Variants in STAP2 observed in about 807,000 individuals in gnomAD.
The protein encoded by STAP2 is signal-transducing adaptor protein 2.
Under a neutral mutation model 52.7 loss-of-function variants are expected in STAP2, and 58 were observed. The observed-to-expected ratio is 1.10, with a 90% CI of 0.89 to 1.37. The LOEUF is 1.37. STAP2 is among the 40% of genes most tolerant of loss of function. The probability of loss-of-function intolerance (pLI) is 0.00; values close to 1 mark genes in which losing one functional copy is unlikely to be tolerated. For missense variants in STAP2, 522 were observed against 519.4 expected, an observed-to-expected ratio of 1.00 and a Z score of -0.05; for synonymous variants, 231 against 210.5, an observed-to-expected ratio of 1.10 and a Z score of -0.84.
At position 4,324,441 on chromosome 19, in the gene STAP2, C is replaced by T. The variant is rs980526850; in HGVS notation, c.1147+14G>A. On this transcript the variant is annotated intron_variant, in intron 12 of 12. Transcript: ENST00000594605. The stretch of plus-strand genomic sequence containing the variant: ...TGGGAAGCCCGCCCCGCACTGACCC[C>T]GCAGACCCCTTACCGGCTGTGGGGA... The T allele has an allele frequency of 1.2e-5, 19 of 1,554,116 alleles. No individual in the cohort carries two copies. Among genetic ancestry groups the T allele is most frequent in the Admixed American group, 1.9e-5 (1 of 53,098 alleles).
intron 3 of STAP2, 83 bp downstream of exon 3, chr19:4,333,611 G>A (rs1257017613): frequency 4.0e-6 from 6 of 1,506,424 alleles, no homozygotes; most frequent in African/African-American, 2.8e-5. Flanking sequence ...CTGCCCCTTC[G>A]TGGTTGGCAC....
Position 4,326,993 on chromosome 19 carries a change from C to G in STAP2, c.778G>C (p.Asp260His). 6.4e-7 allele frequency: 1 copy of G among 1,556,790 alleles called. No homozygotes were observed. Among genetic ancestry groups the G allele is most frequent in the Non-Finnish European group, 8.7e-7 (1 of 1,149,316 alleles). ...CACACATTCTCGCCATTCTCCTTAT[C>G]GGCTTCCACGTAGCCTGGAACAGAG... ...YEKVLGYVEA[D>H]KENGENVWVA... Residue 260 changes from aspartate (D) to histidine (H), a missense_variant, in exon 9 of 13, where the codon GAT becomes CAT. Asp to His is a moderately conservative substitution (Grantham distance 81, BLOSUM62 -1). Transcript: ENST00000594605.
At chr19:4,327,540 C>G (rs545554665) in intron 6 of STAP2, among the ~76,000 whole-genome samples, 155 bp from the exon 7 acceptor site, 1 of 151,930 alleles carries the variant, frequency 6.6e-6, no homozygotes, top group South Asian at 2.1e-4. Context: ...TGGTTCCACC[C>G]CATAAAGGAC....
At position 4,324,182 on chromosome 19, in the gene STAP2, G is replaced by T; in HGVS notation, c.1163C>A (p.Thr388Lys). The T allele has an allele frequency of 6.4e-7, 1 of 1,551,304 alleles. No homozygotes were observed. The highest frequency in any genetic ancestry group is 8.7e-7 in the Non-Finnish European group (1 of 1,146,978). Residue 388 changes from threonine (T) to lysine (K), a missense_variant, in exon 13 of 13, where the codon ACG (threonine) becomes AAG (lysine). Thr to Lys is a moderately conservative substitution (Grantham distance 78). Coordinates refer to ENST00000594605, the MANE Select transcript of STAP2 (RefSeq NM_001013841.2). ...LFPTAGLADMTAELQKKLEKR... is the reference protein window; with the variant it reads ...LFPTAGLADMKAELQKKLEKR... ...CTCCAGCTTCTTCTGTAGCTCTGCC[G>T]TCATGTCTGCCAGCCCTGGGGGTTC...
At chr19:4,338,564 CTTG>C in intron 1 of STAP2, 85 bp downstream of exon 1, 7 of 857,366 alleles carry the variant, frequency 8.2e-6, no homozygotes, top group Non-Finnish European at 1.0e-5. Context: ...CCCGCCCCCC[CTTG>C]GCGAGTGGGG....
chr19:4,328,818 G>A lies in STAP2; in HGVS notation c.456-9C>T. The A allele has an allele frequency of 6.2e-7, 1 of 1,607,224 alleles. No homozygotes were observed. The highest frequency in any genetic ancestry group is 8.5e-7 in the Non-Finnish European group (1 of 1,177,496). On this transcript the variant is annotated splice_polypyrimidine_tract_variant and intron_variant, in intron 5 of 12. Coordinates refer to ENST00000594605, the MANE Select transcript of STAP2 (RefSeq NM_001013841.2). ...TCACCTTCAGGAAGCACCTGTGGCGGGCCGCGTCACCCACTCGGGACCCCG... is the reference window on the plus strand; with the variant it reads ...TCACCTTCAGGAAGCACCTGTGGCGAGCCGCGTCACCCACTCGGGACCCCG...
At position 4,338,635 on chromosome 19, in the gene STAP2, C is replaced by A. The variant is rs771124430; in HGVS notation, c.102+17G>T. On this transcript the variant is annotated intron_variant, in intron 1 of 12. Transcript: ENST00000594605. ...CACGGTGGCCCAGCAGGGCCAGCCCCCGCCTCCCCACCTTACCCGGTCACA... is the reference window on the plus strand; with the variant it reads ...CACGGTGGCCCAGCAGGGCCAGCCCACGCCTCCCCACCTTACCCGGTCACA... 32 of 1,609,552 alleles carry A rather than the reference C, an allele frequency of 2.0e-5. No individual in the cohort carries two copies. Among genetic ancestry groups the A allele is most frequent in the Non-Finnish European group, 1.3e-5 (15 of 1,177,862 alleles).
chr19:4,327,462 C>A, intron 6 of STAP2, 77 bp from the exon 7 acceptor site: 1 of 1,485,654 alleles, frequency 6.7e-7, no homozygotes, highest in Non-Finnish European at 9.3e-7. Flanking sequence ...CGCCCCAACT[C>A]CAGGCTCCGC....
At position 4,324,285 on chromosome 19, in the gene STAP2, G is replaced by C. The variant is rs190126732; in HGVS notation, c.1148-88C>G. 3.9e-5 allele frequency: 55 copies of C among 1,410,470 alleles called. No individual in the cohort carries two copies. In the East Asian group the frequency reaches 5.0e-4, roughly 13 times the overall value. The allele number at this position is 1,410,470 out of a possible 1,614,324, so 87.4% of individuals were successfully genotyped here. A position where few individuals can be genotyped will look rare whatever the true frequency, so the allele number is the denominator to read the frequency against. The stretch of plus-strand genomic sequence containing the variant: ...TGACAGCCACCCAGGACCAGCTACA[G>C]ATTTGCAGGGCCCCGTGCAACAGGA... On this transcript the variant is annotated intron_variant, in intron 12 of 12. Transcript: ENST00000594605.
At chr19:4,331,900 C>G (rs985158866) in intron 4 of STAP2, 122 bp downstream of exon 4, 8 of 1,028,090 alleles carry the variant, frequency 7.8e-6, no homozygotes, top group Admixed American at 5.1e-5. Context: ...CCACTGCACT[C>G]CAGCCTGGGC....
intron 1 of STAP2, among the ~76,000 whole-genome samples, chr19:4,336,621 C>T (rs1408302537): frequency 6.6e-6 from 1 of 150,490 alleles, no homozygotes; most frequent in Non-Finnish European, 1.5e-5. Flanking sequence ...CCCCCATTAT[C>T]TTTCTTTTCT....
intron 4 of STAP2, 79 bp downstream of exon 4, chr19:4,331,943 A>AAAAG: frequency 2.0e-6 from 3 of 1,469,904 alleles, no homozygotes; most frequent in South Asian, 2.4e-5. Context: ...AAAAAAGAAA[A>AAAAG]AAAGAAAGAA....
At chr19:4,327,480 A>G (rs1299421349) in intron 6 of STAP2, 95 bp from the exon 7 acceptor site, 13 of 1,354,242 alleles carry the variant, frequency 9.6e-6, no homozygotes, top group South Asian at 3.6e-5. Context: ...CGCCTCCAAT[A>G]GAAACAGGTC....
At chr19:4,338,612 C>T (rs755516282) in intron 1 of STAP2, 40 bp downstream of exon 1, 13 of 1,445,958 alleles carry the variant, frequency 9.0e-6, no homozygotes, top group Middle Eastern at 1.9e-4. Flanking sequence ...CAGCTCCCCA[C>T]GGTGGCCCAG....
chr19:4,337,663 A>G (rs1972001567), intron 1 of STAP2, among the ~76,000 whole-genome samples: 1 of 151,996 alleles, frequency 6.6e-6, no homozygotes, highest in South Asian at 2.1e-4. Context: ...CCGGGCCAAC[A>G]AAATGAAACA....
At chr19:4,325,834 G>T (rs1971783843) in intron 9 of STAP2, among the ~76,000 whole-genome samples, 1 of 152,160 alleles carries the variant, frequency 6.6e-6, no homozygotes, top group Non-Finnish European at 1.5e-5. Context: ...AGCTTGGCGT[G>T]GTGGCAGGCT....
chr19:4,325,840 A>G (rs570733840), intron 9 of STAP2, among the ~76,000 whole-genome samples: 2 of 152,220 alleles, frequency 1.3e-5, no homozygotes, highest in East Asian at 1.9e-4. Flanking sequence ...GCGTGGTGGC[A>G]GGCTCCTGTA....
intron 11 of STAP2, 73 bp downstream of exon 11, chr19:4,325,143 A>G: frequency 7.3e-7 from 1 of 1,378,028 alleles, no homozygotes; most frequent in South Asian, 1.3e-5. Flanking sequence ...TCTCAAAAAA[A>G]AAAAAAAAAG....
At chr19:4,331,120 G>A (rs866004703) in intron 4 of STAP2, among the ~76,000 whole-genome samples, 5 of 152,048 alleles carry the variant, frequency 3.3e-5, no homozygotes, top group African/African-American at 4.8e-5. Context: ...GCTTGAGCAC[G>A]GAAGTTGGAG....
Sources: gnomAD v4.1 joint callset for allele counts (sites outside exome capture counted in the v4.1 genomes callset) on GRCh38, gnomAD v4.1.1 for gene constraint, MANE v1.5 for transcripts, NCBI Gene and HGNC (gene_info 2026-07-23, HGNC 2026-07-21) for gene names.